The following BMERB1 variants were observed in gnomAD, a reference collection of about 807,000 sequenced individuals.
BMERB1 encodes bMERB domain containing 1.
BMERB1 carries 12 observed loss-of-function variants against 23.6 expected under a neutral mutation model. The observed-to-expected ratio is 0.51, with a 90% confidence interval of 0.33 to 0.82. The LOEUF (loss-of-function observed/expected upper bound fraction) is 0.82. Among genes scored for constraint, BMERB1 ranks in the 40% least tolerant of loss-of-function variants. The pLI, the probability that BMERB1 is intolerant of heterozygous loss-of-function variation, is 0.03. For synonymous variants in BMERB1, 122 were observed against 96.6 expected (o/e 1.26, Z -1.54); for missense variants, 247 against 255.4 (o/e 0.97, Z 0.22).
intron 1 of BMERB1, among the ~76,000 whole-genome samples, chr16:15,477,717 T>C (rs2051285866): frequency 6.6e-6 from 1 of 152,076 alleles, no homozygotes; most frequent in Non-Finnish European, 1.5e-5. Context: ...AGAGCGTTTT[T>C]TTTTTTCTGT....
At position 15,466,468 on chromosome 16, in the gene BMERB1, C is replaced by T. The variant is rs114230418; in HGVS notation, c.106+31709C>T. On this transcript the variant is annotated intron_variant, in intron 1 of 5. Coordinates refer to ENST00000300006, the MANE Select transcript of BMERB1 (RefSeq NM_033201.3). ...CATAGGTATTTTTTGTATTTTGTTC[C>T]CGATTGTTTTGTATGTTTGTGTATT... is the stretch of plus-strand genomic sequence containing the variant. Among the ~76,000 whole-genome samples the T allele has an allele frequency of 2.5e-3, 386 of 151,540 alleles. 2 individuals are homozygous for T. Among genetic ancestry groups the T allele is most frequent in the African/African-American group, 8.6e-3 (354 of 41,286 alleles).
At chr16:15,489,840 C>CT (rs1285093974) in intron 1 of BMERB1, among the ~76,000 whole-genome samples, 1 of 152,102 alleles carries the variant, frequency 6.6e-6, no homozygotes, top group Non-Finnish European at 1.5e-5. Flanking sequence ...CCCCAGTTTT[C>CT]TTTTATTTTC....
At chr16:15,472,714 A>G (rs1289686686) in intron 1 of BMERB1, among the ~76,000 whole-genome samples, 1 of 152,180 alleles carries the variant, frequency 6.6e-6, no homozygotes, top group Non-Finnish European at 1.5e-5. Flanking sequence ...TTAAACTGAT[A>G]TATTTAGACC....
In BMERB1 at chr16:15,534,286, CAAAAAAAAAAAA is replaced by C. The variant is rs1168488547; in HGVS notation, c.230+18876_230+18887del. Among the ~76,000 whole-genome samples the C allele has an allele frequency of 6.1e-3, 255 of 41,972 alleles. 1 individual carries two copies. The highest frequency in any genetic ancestry group is 0.013 in the African/African-American group (102 of 7,846). 27.5% of individuals were successfully genotyped at this position (41,972 alleles called of 152,430 possible). A position where few individuals can be genotyped will look rare whatever the true frequency, so the allele number is the denominator to read the frequency against. ...AAGACCTTGATTTTTTTTTTAATTG[CAAAAAAAAAAAA>C]AAAAAAAAAAAAAAAAAGAAAAGGC... On this transcript the variant is annotated intron_variant, in intron 2 of 5. Transcript: ENST00000300006.
chr16:15,521,207 G>A (rs544769835), intron 2 of BMERB1, among the ~76,000 whole-genome samples: 6 of 152,156 alleles, frequency 3.9e-5, no homozygotes, highest in East Asian at 3.9e-4. Flanking sequence ...TCTATGCGGC[G>A]AGCAGCAGGA....
chr16:15,453,657 A>T (rs2051061002), intron 1 of BMERB1, among the ~76,000 whole-genome samples: 1 of 152,202 alleles, frequency 6.6e-6, no homozygotes, highest in Middle Eastern at 3.4e-3. Flanking sequence ...AGATCACTTG[A>T]GGTCAGGAGT....
At chr16:15,493,352 A>AAG (rs2051440942) in intron 1 of BMERB1, among the ~76,000 whole-genome samples, 1 of 152,302 alleles carries the variant, frequency 6.6e-6, no homozygotes, top group South Asian at 2.1e-4. Context: ...AGAGTCTAAG[A>AAG]AGACACAAGG....
At position 15,500,132 on chromosome 16, in the gene BMERB1, A is replaced by G. The variant is rs368431163; in HGVS notation, c.107-15173A>G. ...GATGCTGCTGTGGAGTCCCCTCCAC[A>G]GAGATACCTGTGTCCTTCTCCCCAC... On this transcript the variant is annotated intron_variant, in intron 1 of 5. Transcript: ENST00000300006. 6.6e-5 allele frequency among the ~76,000 whole-genome samples: 10 copies of G among 152,240 alleles called. No homozygotes were observed. The South Asian group carries it at 2.1e-3, about 32-fold the overall frequency.
At chr16:15,509,681 C>T (rs2051637041) in intron 1 of BMERB1, among the ~76,000 whole-genome samples, 1 of 152,186 alleles carries the variant, frequency 6.6e-6, no homozygotes, top group East Asian at 1.9e-4. Context: ...CGCTGGGACC[C>T]CTGCTGCTTC....
At chr16:15,455,056 G>A (rs1380226760) in intron 1 of BMERB1, among the ~76,000 whole-genome samples, 1 of 151,796 alleles carries the variant, frequency 6.6e-6, no homozygotes, top group Non-Finnish European at 1.5e-5. Flanking sequence ...TCATCTGAGG[G>A]CGCGCGTGGT....
chr16:15,529,394 T>C (rs2051946122), intron 2 of BMERB1, among the ~76,000 whole-genome samples: 1 of 152,270 alleles, frequency 6.6e-6, no homozygotes, highest in South Asian at 2.1e-4. Flanking sequence ...CTAAGGCACC[T>C]GATAAACTCT....
intron 1 of BMERB1, among the ~76,000 whole-genome samples, chr16:15,512,408 A>G (rs1443815935): frequency 3.3e-5 from 5 of 152,192 alleles, no homozygotes; most frequent in Non-Finnish European, 7.3e-5. Flanking sequence ...TGCAAGGGCC[A>G]GGGCCCCAGG....
chr16:15,477,341 T>TG (rs2051283111), intron 1 of BMERB1, among the ~76,000 whole-genome samples: 2 of 152,312 alleles, frequency 1.3e-5, no homozygotes, highest in African/African-American at 4.8e-5. Flanking sequence ...ACCTCCATGA[T>TG]TCAGTTACCT....
intron 1 of BMERB1, among the ~76,000 whole-genome samples, chr16:15,454,063 C>G (rs2051064469): frequency 6.6e-6 from 1 of 152,092 alleles, no homozygotes; most frequent in Admixed American, 6.5e-5. Flanking sequence ...TCACACATCT[C>G]TGCTCTCTAG....
intron 1 of BMERB1, among the ~76,000 whole-genome samples, chr16:15,444,340 C>A (rs2050972195): frequency 6.6e-6 from 1 of 151,568 alleles, no homozygotes; most frequent in Non-Finnish European, 1.5e-5. Context: ...CTCCTGTGCA[C>A]TTGTTTTAGA....
At chr16:15,536,225 G>A (rs1437882748) in intron 2 of BMERB1, among the ~76,000 whole-genome samples, 1 of 152,142 alleles carries the variant, frequency 6.6e-6, no homozygotes, top group Non-Finnish European at 1.5e-5. Context: ...GGGCCACAGA[G>A]GTTCCAGCTT....
chr16:15,450,450 CATGTAAAAGGTATT>C (rs2150923909), intron 1 of BMERB1, among the ~76,000 whole-genome samples: 1 of 152,166 alleles, frequency 6.6e-6, no homozygotes, highest in East Asian at 1.9e-4. Flanking sequence ...AAATAATAGG[CATGTAAAAGGTATT>C]CACATCACAG....
chr16:15,445,152 C>T (rs940396770), intron 1 of BMERB1, among the ~76,000 whole-genome samples: 3 of 152,114 alleles, frequency 2.0e-5, no homozygotes, highest in African/African-American at 4.8e-5. Context: ...CTTGGCCTCC[C>T]GAAGTGCTGA....
chr16:15,523,822 A>G (rs2051879890), intron 2 of BMERB1, among the ~76,000 whole-genome samples: 1 of 152,090 alleles, frequency 6.6e-6, no homozygotes, highest in Non-Finnish European at 1.5e-5. Context: ...GTGGGAGAGT[A>G]GGGCATCAGG....
Sources: allele counts gnomAD v4.1 joint callset (sites outside exome capture counted in the v4.1 genomes callset), GRCh38; gene constraint gnomAD v4.1.1; transcripts MANE v1.5; gene names NCBI Gene and HGNC (gene_info 2026-07-23, HGNC 2026-07-21).